Variants in PTK2 observed in about 807,000 individuals in gnomAD.
PTK2 encodes focal adhesion kinase 1.
In PTK2, 45 loss-of-function variants were observed where a neutral mutation model predicts 150.1. The observed-to-expected ratio is 0.30, with a 90% CI of 0.24 to 0.38. The LOEUF is 0.38. Among genes scored for constraint, PTK2 ranks in the 10% least tolerant of loss-of-function variants. The probability of loss-of-function intolerance (pLI) is 1.00; values close to 1 mark genes in which losing one functional copy is unlikely to be tolerated. For missense variants in PTK2, 919 were observed against 1,307.3 expected (o/e 0.70, Z 4.58); for synonymous variants, 432 against 449.2 (o/e 0.96, Z 0.48).
chr8:140,864,262 T>C (rs753992636), intron 5 of PTK2, 50 bp downstream of exon 5: 10 of 1,085,948 alleles, frequency 9.2e-6, no homozygotes, highest in South Asian at 2.0e-5. Context: ...ATGCAATAAA[T>C]AGGATTCAAA....
At chr8:140,724,046 G>A (rs1258068781) in intron 22 of PTK2, among the ~76,000 whole-genome samples, 2 of 152,146 alleles carry the variant, frequency 1.3e-5, no homozygotes, top group Non-Finnish European at 1.5e-5. Flanking sequence ...CAAAAATACA[G>A]CTCCAACAAA....
intron 16 of PTK2, 28 bp from the exon 20 acceptor site, chr8:140,752,344 C>T: frequency 7.5e-6 from 12 of 1,590,696 alleles, no homozygotes; most frequent in Admixed American, 1.7e-5. Context: ...TAGAATCACA[C>T]ACACATGCAA....
chr8:140,953,849 G>A (rs1012828065), intron 1 of PTK2, among the ~76,000 whole-genome samples: 3 of 152,150 alleles, frequency 2.0e-5, no homozygotes, highest in African/African-American at 7.2e-5. Flanking sequence ...ACAGTGGAAC[G>A]ATCCTGGCTC....
intron 23 of PTK2, among the ~76,000 whole-genome samples, chr8:140,713,483 G>A (rs1224951370): frequency 1.3e-5 from 2 of 152,082 alleles, no homozygotes; most frequent in Admixed American, 6.5e-5. Flanking sequence ...GGCTGGTCTC[G>A]AACTCCTGGC....
intron 22 of PTK2, among the ~76,000 whole-genome samples, chr8:140,727,704 T>G (rs2100046742): frequency 6.6e-6 from 1 of 152,162 alleles, no homozygotes; most frequent in African/African-American, 2.4e-5. Context: ...TAAGATGCTG[T>G]TCACAGATTA....
At chr8:140,725,806 C>T (rs1459413987) in intron 22 of PTK2, among the ~76,000 whole-genome samples, 3 of 148,178 alleles carry the variant, frequency 2.0e-5, no homozygotes, top group African/African-American at 7.5e-5. Flanking sequence ...ACCCATCAGC[C>T]ACAATGTCTA....
rs535124605 is a variant in PTK2, at chr8:140,870,875, T to C, written c.363-6476A>G. 2.0e-5 allele frequency among the ~76,000 whole-genome samples: 3 copies of C among 152,274 alleles called. No homozygotes were observed. In the South Asian group the frequency reaches 6.2e-4, roughly 32 times the overall value. On this transcript the variant is annotated intron_variant, in intron 4 of 31. Transcript: ENST00000522684. Reference sequence around the variant, plus strand: ...AACTTTTGGTTATATTTTAGAGCAGTAGTTCTGAACCTTGGGAGATTCTGC... The same window carrying C: ...AACTTTTGGTTATATTTTAGAGCAGCAGTTCTGAACCTTGGGAGATTCTGC...
chr8:140,670,237 C>G (rs1008492890), intron 29 of PTK2: 3 of 153,036 alleles, frequency 2.0e-5, no homozygotes, highest in African/African-American at 7.3e-5. Flanking sequence ...TGACTTGGGG[C>G]TGAGTTTAAA....
intron 16 of PTK2, among the ~76,000 whole-genome samples, chr8:140,757,639 G>A (rs981181032): frequency 1.3e-5 from 2 of 152,090 alleles, no homozygotes; most frequent in Non-Finnish European, 2.9e-5. Context: ...AGAAAAAAAT[G>A]GTCATTTGCA....
intron 27 of PTK2, among the ~76,000 whole-genome samples, chr8:140,678,482 G>T (rs924374407): frequency 6.6e-6 from 1 of 152,184 alleles, no homozygotes; most frequent in Non-Finnish European, 1.5e-5. Context: ...GAGTAGCTGG[G>T]AGCTGGGACC....
chr8:140,729,014 T>TA (rs1216465784), intron 22 of PTK2, among the ~76,000 whole-genome samples: 1 of 151,888 alleles, frequency 6.6e-6, no homozygotes, highest in Non-Finnish European at 1.5e-5. Flanking sequence ...TCAACTGAAA[T>TA]AGTTTGTGTT....
chr8:140,682,211 G>A (rs1271954377), intron 27 of PTK2, among the ~76,000 whole-genome samples: 1 of 152,060 alleles, frequency 6.6e-6, no homozygotes, highest in African/African-American at 2.4e-5. Flanking sequence ...GTGAAACCCT[G>A]TCTTTACTAA....
intron 1 of PTK2, among the ~76,000 whole-genome samples, chr8:140,927,954 AAAAGAAAAAAAAAAAAAAAAAAT>A (rs1569053276): frequency 2.4e-5 from 2 of 85,004 alleles, no homozygotes; most frequent in Non-Finnish European, 4.3e-5. Context: ...AAAAAAAAAA[AAAAGAAAAAAAAAAAAAAAAAAT>A]ATATATATAT....
intron 4 of PTK2, among the ~76,000 whole-genome samples, chr8:140,872,007 G>T (rs2100142820): frequency 6.6e-6 from 1 of 152,070 alleles, no homozygotes; most frequent in Non-Finnish European, 1.5e-5. Flanking sequence ...AGGAGATCAA[G>T]ACCATCCTGG....
intron 12 of PTK2, among the ~76,000 whole-genome samples, chr8:140,793,703 T>C (rs543237121): frequency 4.4e-4 from 67 of 152,242 alleles, no homozygotes; most frequent in Non-Finnish European, 7.8e-4. Flanking sequence ...CAACACTCCT[T>C]GTCAAAGGAC....
chr8:140,879,370 G>A, intron 4 of PTK2, 101 bp downstream of exon 4: 1 of 1,211,128 alleles, frequency 8.3e-7, no homozygotes, highest in Non-Finnish European at 1.1e-6. Flanking sequence ...GTAATGACAA[G>A]CAGTGTGAAA....
At chr8:140,748,833 T>C (rs930831523) in intron 17 of PTK2, among the ~76,000 whole-genome samples, 5 of 152,348 alleles carry the variant, frequency 3.3e-5, no homozygotes, top group Non-Finnish European at 5.9e-5. Flanking sequence ...CACAGAACTA[T>C]AGGATCTCAA....
At chr8:140,678,603 C>G (rs1240467446) in intron 27 of PTK2, among the ~76,000 whole-genome samples, 2 of 152,210 alleles carry the variant, frequency 1.3e-5, no homozygotes, top group Admixed American at 6.5e-5. Context: ...ATCCACCCAT[C>G]TTGGCCTCCC....
intron 1 of PTK2, among the ~76,000 whole-genome samples, chr8:140,971,372 T>C (rs573100602): frequency 9.5e-4 from 145 of 152,264 alleles, no homozygotes; most frequent in Non-Finnish European, 1.6e-3. Flanking sequence ...TTAGCTCTTG[T>C]AGACTTAACC....
Sources: gnomAD v4.1 joint callset for allele counts (sites outside exome capture counted in the v4.1 genomes callset) on GRCh38, gnomAD v4.1.1 for gene constraint, MANE v1.5 for transcripts, NCBI Gene and HGNC (gene_info 2026-07-23, HGNC 2026-07-21) for gene names.